PDZRN4: variants seen among roughly 807,000 people sequenced by gnomAD.
PDZRN4 encodes the protein PDZ domain-containing RING finger protein 4.
Under a neutral mutation model 99.0 loss-of-function variants are expected in PDZRN4, and 70 were observed. That is an observed-to-expected ratio of 0.71 (90% CI 0.58 to 0.86). The LOEUF is 0.86. PDZRN4 is among the 40% of genes least tolerant of loss of function. The pLI is 0.00. For missense variants in PDZRN4, 1,474 were observed against 1,331.2 expected, an observed-to-expected ratio of 1.11 and a Z score of -1.67; for synonymous variants, 551 against 501.6, an observed-to-expected ratio of 1.10 and a Z score of -1.32.
intron 3 of PDZRN4, among the ~76,000 whole-genome samples, chr12:41,389,369 C>T (rs572297438): frequency 1.1e-4 from 16 of 152,096 alleles, no homozygotes; most frequent in Admixed American, 1.0e-3. Context: ...TAAATGAAGC[C>T]CAAATTTGTA....
In PDZRN4 at chr12:41,506,825, C is replaced by T. The variant is rs1938215450; in HGVS notation, c.1100+113C>T. ...GTTGACAGTTATGGAGACAGGCTTC[C>T]CAGCTCCGTTTGGAAAATGTCTCCC... On this transcript the variant is annotated intron_variant, in intron 4 of 9. Transcript: ENST00000402685. 12 of 1,197,370 alleles carry T rather than the reference C, an allele frequency of 1.0e-5. 1 individual carries two copies. Among genetic ancestry groups the T allele is most frequent in the South Asian group, 4.5e-5 (3 of 66,176 alleles). 74.2% of individuals were successfully genotyped at this position (1,197,370 alleles called of 1,614,324 possible). A position where few individuals can be genotyped will look rare whatever the true frequency, so the allele number is the denominator to read the frequency against.
At chr12:41,511,491 T>C (rs1938303649) in intron 5 of PDZRN4, among the ~76,000 whole-genome samples, 1 of 152,172 alleles carries the variant, frequency 6.6e-6, no homozygotes. Context: ...CTGTCAGCTG[T>C]GATTCCGTTG....
intron 5 of PDZRN4, among the ~76,000 whole-genome samples, chr12:41,518,889 AGTGAGCT>A (rs1335300001): frequency 1.3e-5 from 2 of 152,176 alleles, no homozygotes; most frequent in South Asian, 2.1e-4. Flanking sequence ...TAGAGGCTGT[AGTGAGCT>A]CTGATCACAC....
intron 3 of PDZRN4, among the ~76,000 whole-genome samples, chr12:41,473,812 A>G (rs1953016169): frequency 6.6e-6 from 1 of 152,188 alleles, no homozygotes; most frequent in Non-Finnish European, 1.5e-5. Context: ...AACCCAACCT[A>G]CTAAGTGACC....
intron 3 of PDZRN4, among the ~76,000 whole-genome samples, chr12:41,456,792 T>C (rs1025108982): frequency 1.3e-5 from 2 of 152,148 alleles, no homozygotes; most frequent in Non-Finnish European, 2.9e-5. Context: ...AGAAAGTTAA[T>C]ACAGAAATGA....
chr12:41,395,157 C>A (rs558726153), intron 3 of PDZRN4, among the ~76,000 whole-genome samples: 6 of 152,136 alleles, frequency 3.9e-5, no homozygotes, highest in African/African-American at 7.2e-5. Flanking sequence ...CATATCAAGT[C>A]TAGGTGTGGA....
chr12:41,299,355 C>T (rs1396582884), intron 3 of PDZRN4, among the ~76,000 whole-genome samples: 2 of 152,080 alleles, frequency 1.3e-5, no homozygotes, highest in East Asian at 1.9e-4. Flanking sequence ...TTAGATTTTT[C>T]CTCTCTTTTG....
chr12:41,387,670 GA>G (rs1448054434), intron 3 of PDZRN4, among the ~76,000 whole-genome samples: 1 of 152,046 alleles, frequency 6.6e-6, no homozygotes, highest in Non-Finnish European at 1.5e-5. Context: ...ACAATCATAT[GA>G]AAAAAAGCAC....
intron 5 of PDZRN4, among the ~76,000 whole-genome samples, chr12:41,528,628 G>T (rs1442800102): frequency 6.6e-6 from 1 of 152,156 alleles, no homozygotes; most frequent in East Asian, 1.9e-4. Context: ...CACATCCACT[G>T]CTTTTTAGCT....
At chr12:41,555,254 A>G (rs1246506606) in intron 6 of PDZRN4, among the ~76,000 whole-genome samples, 1 of 151,104 alleles carries the variant, frequency 6.6e-6, no homozygotes, top group African/African-American at 2.4e-5. Context: ...AAAAAAGAAA[A>G]AAAAAAGGAC....
intron 3 of PDZRN4, among the ~76,000 whole-genome samples, chr12:41,294,426 C>T (rs1425545004): frequency 6.6e-6 from 1 of 152,012 alleles, no homozygotes; most frequent in Admixed American, 6.6e-5. Context: ...TTTATATGAA[C>T]TATAAATGAC....
intron 3 of PDZRN4, among the ~76,000 whole-genome samples, chr12:41,310,880 A>G (rs10506185): frequency 0.22 from 32,786 of 151,990 alleles, 3,678 homozygotes; most frequent in African/African-American, 0.24. Flanking sequence ...GTATGTTCGT[A>G]AAGTTCACAT....
At chr12:41,317,579 C>A (rs1251666191) in intron 3 of PDZRN4, among the ~76,000 whole-genome samples, 1 of 151,944 alleles carries the variant, frequency 6.6e-6, no homozygotes, top group East Asian at 1.9e-4. Context: ...TGTTTTTTTC[C>A]TTTGTGAAGC....
chr12:41,253,690 C>T (rs1951186281), intron 3 of PDZRN4, among the ~76,000 whole-genome samples: 1 of 152,094 alleles, frequency 6.6e-6, no homozygotes, highest in Non-Finnish European at 1.5e-5. Context: ...ACCTGCACTC[C>T]CATATTTATC....
At chr12:41,308,038 C>G (rs933303026) in intron 3 of PDZRN4, among the ~76,000 whole-genome samples, 1 of 152,100 alleles carries the variant, frequency 6.6e-6, no homozygotes, top group Non-Finnish European at 1.5e-5. Flanking sequence ...ACTCCATAAC[C>G]ATAGCCCTTC....
At chr12:41,373,391 C>T (rs1952057481) in intron 3 of PDZRN4, among the ~76,000 whole-genome samples, 1 of 152,068 alleles carries the variant, frequency 6.6e-6, no homozygotes, top group Non-Finnish European at 1.5e-5. Context: ...ACAGCTGTGA[C>T]CATAAAAGAC....
At chr12:41,564,449 T>A (rs532702656) in intron 8 of PDZRN4, among the ~76,000 whole-genome samples, 18 of 152,286 alleles carry the variant, frequency 1.2e-4, no homozygotes, top group African/African-American at 4.3e-4. Flanking sequence ...TATCTATCTG[T>A]CAGTAGTTTG....
chr12:41,535,244 T>C (rs976990593), intron 5 of PDZRN4, among the ~76,000 whole-genome samples: 1 of 152,230 alleles, frequency 6.6e-6, no homozygotes, highest in East Asian at 1.9e-4. Context: ...GATGCGTTGT[T>C]TCTTTGTGTA....
intron 3 of PDZRN4, among the ~76,000 whole-genome samples, chr12:41,212,178 T>C (rs6582268): frequency 0.94 from 142,885 of 151,994 alleles, 67,377 homozygotes; most frequent in Middle Eastern, 0.98. Flanking sequence ...ATTAAAGGGA[T>C]ATAAACCTTC....
Sources: gnomAD v4.1 joint callset for allele counts (sites outside exome capture counted in the v4.1 genomes callset) on GRCh38, gnomAD v4.1.1 for gene constraint, MANE v1.5 for transcripts, NCBI Gene and HGNC (gene_info 2026-07-23, HGNC 2026-07-21) for gene names.